The following ZNF337 variants were observed in gnomAD, a reference collection of about 807,000 sequenced individuals.
The protein encoded by ZNF337 is zinc finger protein 337.
In ZNF337, 8 loss-of-function variants were observed where a neutral mutation model predicts 12.1. That is an observed-to-expected ratio of 0.66 (90% CI 0.39 to 1.19). The LOEUF (loss-of-function observed/expected upper bound fraction) is 1.19. Ranked by LOEUF, ZNF337 falls within the 50% of genes most tolerant of loss-of-function variation. ZNF337 has a pLI of 0.01. For synonymous variants in ZNF337, 336 were observed against 320.0 expected (o/e 1.05, Z -0.53); for missense variants, 882 against 896.6 (o/e 0.98, Z 0.21).
At position 25,674,935 on chromosome 20, in the gene ZNF337, T is replaced by C; in HGVS notation, c.*97A>G. On this transcript the variant is annotated 3_prime_UTR_variant, in exon 5 of 5. Coordinates refer to ENST00000252979, the MANE Select transcript of ZNF337 (RefSeq NM_015655.4). ...CTCTGGATTCTGTCTGCCTCTGTTA[T>C]ATCTTCACGAACAAGTTATGCAGCC... is the stretch of plus-strand genomic sequence containing the variant. 8.8e-7 allele frequency: 1 copy of C among 1,134,232 alleles called. No homozygotes were observed. Among genetic ancestry groups the C allele is most frequent in the Non-Finnish European group, 1.3e-6 (1 of 790,392 alleles). The allele number at this position is 1,134,232 out of a possible 1,614,324, so 70.3% of individuals were successfully genotyped here.
At chr20:25,686,525 A>C in intron 1 of ZNF337, 59 bp from the exon 2 acceptor site, 2 of 1,320,102 alleles carry the variant, frequency 1.5e-6, no homozygotes, top group Non-Finnish European at 2.1e-6. Context: ...CATGTGTGAC[A>C]GTTGGTGTGA....
chr20:25,696,650 A>G (rs1555886926), intron 1 of ZNF337, 109 bp downstream of exon 1: 3 of 776,086 alleles, frequency 3.9e-6, no homozygotes. Flanking sequence ...GGCCTGGAGG[A>G]GCGCGCGCTA....
At chr20:25,679,316 CAT>C (rs558921263) in intron 4 of ZNF337, among the ~76,000 whole-genome samples, 19 of 152,196 alleles carry the variant, frequency 1.2e-4, no homozygotes, top group Non-Finnish European at 1.6e-4. Flanking sequence ...AAAATACACA[CAT>C]GAGACTACAT....
rs991125714 is a variant in ZNF337, at chr20:25,673,586, G to A, written c.*1446C>T. ...AGGATCCCAGATTTTCCTTACGAAG[G>A]GTCTGACCTCTACAAAATAGACATG... On this transcript the variant is annotated 3_prime_UTR_variant, in exon 5 of 5. Coordinates refer to ENST00000252979, the MANE Select transcript of ZNF337 (RefSeq NM_015655.4). Among the ~76,000 whole-genome samples, 21 of 152,242 alleles carry A rather than the reference G, an allele frequency of 1.4e-4. No homozygotes were observed. The highest frequency in any genetic ancestry group is 4.3e-4 in the African/African-American group (18 of 41,550).
In ZNF337 at chr20:25,674,829, G is replaced by T; in HGVS notation, c.*203C>A. The T allele has an allele frequency of 1.7e-6, 1 of 589,822 alleles. No individual in the cohort carries two copies. Among genetic ancestry groups the T allele is most frequent in the Non-Finnish European group, 3.0e-6 (1 of 334,242 alleles). 36.5% of individuals were successfully genotyped at this position (589,822 alleles called of 1,614,324 possible). A position where few individuals can be genotyped will look rare whatever the true frequency, so the allele number is the denominator to read the frequency against. ...CCAGGTAATGCCCTCCCCTCAACTGGCATCTCTGTTCCCTAAACATTGACC... is the reference window on the plus strand; with the variant it reads ...CCAGGTAATGCCCTCCCCTCAACTGTCATCTCTGTTCCCTAAACATTGACC... On this transcript the variant is annotated 3_prime_UTR_variant, in exon 5 of 5. Coordinates refer to ENST00000252979, the MANE Select transcript of ZNF337 (RefSeq NM_015655.4).
intron 3 of ZNF337, 48 bp downstream of exon 3, chr20:25,685,948 C>A: frequency 6.3e-7 from 1 of 1,580,020 alleles, no homozygotes. Context: ...ATGGCAACAT[C>A]AGAGGCACCA....
chr20:25,694,821 T>C (rs2065907072), intron 1 of ZNF337, among the ~76,000 whole-genome samples: 1 of 152,228 alleles, frequency 6.6e-6, no homozygotes, highest in African/African-American at 2.4e-5. Flanking sequence ...CCCCAAAATA[T>C]ACTTCTTTGA....
intron 1 of ZNF337, among the ~76,000 whole-genome samples, chr20:25,694,519 G>T (rs770808042): frequency 6.6e-6 from 1 of 152,054 alleles, no homozygotes; most frequent in African/African-American, 2.4e-5. Flanking sequence ...ATTAAAATCA[G>T]TTATTTGGAT....
intron 4 of ZNF337, among the ~76,000 whole-genome samples, chr20:25,683,396 C>T (rs1019756979): frequency 1.3e-5 from 2 of 151,418 alleles, no homozygotes; most frequent in Non-Finnish European, 2.9e-5. Flanking sequence ...TGACCTCTGG[C>T]AACAGTAGTA....
At chr20:25,688,288 T>A (rs2065852506) in intron 1 of ZNF337, among the ~76,000 whole-genome samples, 1 of 152,206 alleles carries the variant, frequency 6.6e-6, no homozygotes, top group Admixed American at 6.5e-5. Flanking sequence ...ATACTGACCT[T>A]ATTTTCTGAA....
chr20:25,679,001 CAAAT>C (rs139500929), intron 4 of ZNF337, among the ~76,000 whole-genome samples: 22,306 of 151,868 alleles, frequency 0.15, 3,336 homozygotes, highest in African/African-American at 0.39. Context: ...AGATAATCTA[CAAAT>C]AAATCCATAT....
intron 4 of ZNF337, among the ~76,000 whole-genome samples, chr20:25,683,719 A>C (rs2065794618): frequency 6.6e-6 from 1 of 152,148 alleles, no homozygotes; most frequent in Non-Finnish European, 1.5e-5. Context: ...GCTGGAGAGG[A>C]TGTGGAGAAA....
At chr20:25,696,597 C>G (rs567281058) in intron 1 of ZNF337, among the ~76,000 whole-genome samples, 162 bp downstream of exon 1, 1 of 152,232 alleles carries the variant, frequency 6.6e-6, no homozygotes, top group East Asian at 1.9e-4. Flanking sequence ...CACTTCAAGG[C>G]GCGGCCTGGG....
intron 3 of ZNF337, 35 bp downstream of exon 3, chr20:25,685,961 G>A (rs921265489): frequency 1.6e-5 from 26 of 1,593,440 alleles, no homozygotes; most frequent in Non-Finnish European, 2.1e-5. Flanking sequence ...AGGCACCACA[G>A]GCCAAATGTT....
At chr20:25,694,694 G>A (rs60146944) in intron 1 of ZNF337, among the ~76,000 whole-genome samples, 3,480 of 152,098 alleles carry the variant, frequency 0.023, 124 homozygotes, top group African/African-American at 0.079. Context: ...AATCCTGCCC[G>A]AGAAACCATA....
At chr20:25,682,018 T>C (rs1702837157) in intron 4 of ZNF337, among the ~76,000 whole-genome samples, 1 of 152,180 alleles carries the variant, frequency 6.6e-6, no homozygotes, top group Non-Finnish European at 1.5e-5. Flanking sequence ...GTTCATTCTA[T>C]AAGCCTTTCA....
rs1432332131 is a variant in ZNF337 at position 25,675,537 on chromosome 20, T to A, written c.1751A>T (p.Lys584Ile). Residue 584 changes from lysine (K) to isoleucine (I), a missense_variant, in exon 5 of 5, where the codon AAA becomes ATA. Lys to Ile is a moderately radical substitution (Grantham distance 102, BLOSUM62 -3). Coordinates refer to ENST00000252979, the MANE Select transcript of ZNF337 (RefSeq NM_015655.4). ...CKDCGRGFILKSTLLFHQKTH... is the reference protein window; with the variant it reads ...CKDCGRGFILISTLLFHQKTH... ...CTTCTGGTGGAAGAGGAGAGTTGAT[T>A]TTAGGATGAAGCCTCGCCCGCAATC... 1 of 1,613,846 alleles carries A rather than the reference T, an allele frequency of 6.2e-7. No homozygotes were observed. The highest frequency in any genetic ancestry group is 8.5e-7 in the Non-Finnish European group (1 of 1,179,992).
intron 1 of ZNF337, among the ~76,000 whole-genome samples, chr20:25,691,136 A>C (rs2065879550): frequency 6.6e-6 from 1 of 152,238 alleles, no homozygotes; most frequent in African/African-American, 2.4e-5. Context: ...GATTACAAAA[A>C]GGAAGCAAAC....
rs1037723345 is a variant in ZNF337 at position 25,696,784 on chromosome 20, C to T, written c.-75G>A. 1 of 985,544 alleles carries T rather than the reference C, an allele frequency of 1.0e-6. No homozygotes were observed. Among genetic ancestry groups the T allele is most frequent in the Non-Finnish European group, 1.2e-6 (1 of 829,998 alleles). 61.0% of individuals were successfully genotyped at this position (985,544 alleles called of 1,614,324 possible). A position where few individuals can be genotyped will look rare whatever the true frequency, so the allele number is the denominator to read the frequency against. On this transcript the variant is annotated 5_prime_UTR_variant, in exon 1 of 5. Coordinates refer to ENST00000252979, the MANE Select transcript of ZNF337 (RefSeq NM_015655.4). ...CGGGGCGGCTGAGGGCGAACCGAGG[C>T]GGTGAGGTCACCGATGGTGGACCAC...
Sources: gnomAD v4.1 joint callset for allele counts (sites outside exome capture counted in the v4.1 genomes callset) on GRCh38, gnomAD v4.1.1 for gene constraint, MANE v1.5 for transcripts, NCBI Gene and HGNC (gene_info 2026-07-23, HGNC 2026-07-21) for gene names.